The following ABLIM2 variants were observed in gnomAD, a reference collection of about 807,000 sequenced individuals.
The protein encoded by ABLIM2 is actin binding LIM protein family member 2, also known as actin-binding LIM protein 2.
A neutral mutation model predicts 97.7 loss-of-function variants in ABLIM2; 53 were observed. That is an observed-to-expected ratio of 0.54 (90% CI 0.44 to 0.68). The LOEUF (loss-of-function observed/expected upper bound fraction) is 0.68, where lower values mean the gene tolerates loss of function less well. ABLIM2 is among the 30% of genes least tolerant of loss of function. The pLI is 0.00. For synonymous variants in ABLIM2, 361 were observed against 345.8 expected (o/e 1.04, Z -0.49); for missense variants, 835 against 867.2 (o/e 0.96, Z 0.47).
Position 8,021,030 on chromosome 4 carries a change from T to A in ABLIM2, c.1268-727A>T, listed in dbSNP as rs115629559. 0.016 allele frequency among the ~76,000 whole-genome samples: 2,415 copies of A among 151,946 alleles called. 70 individuals carry two copies. The highest frequency in any genetic ancestry group is 0.055 in the African/African-American group (2,281 of 41,416). ...CACTACCACGCCTGGCTAATTTTTT[T>A]AATTTTGTAAAGATGGGGTTTTGCC... On this transcript the variant is annotated intron_variant, in intron 12 of 20. Transcript: ENST00000447017. The surrounding 1 kb of genome is among the most constrained non-coding windows in gnomAD (Gnocchi z 5.5).
intron 8 of ABLIM2, among the ~76,000 whole-genome samples, chr4:8,049,670 CCA>C (rs1210048484): frequency 6.6e-6 from 1 of 152,238 alleles, no homozygotes; most frequent in Non-Finnish European, 1.5e-5. Flanking sequence ...ACCTTACACT[CCA>C]CAGAGACATT....
At chr4:7,995,526 G>A (rs1174571602) in intron 16 of ABLIM2, among the ~76,000 whole-genome samples, 1 of 152,178 alleles carries the variant, frequency 6.6e-6, no homozygotes, top group East Asian at 1.9e-4. Flanking sequence ...TCATTTGGGG[G>A]TTCCTCATGG....
In ABLIM2 at chr4:8,054,170, C is replaced by A. The variant is rs997022293; in HGVS notation, c.822+18G>T. On this transcript the variant is annotated intron_variant, in intron 8 of 20. Transcript: ENST00000447017. This position sits in a 1 kb window ranked among gnomAD's most constrained non-coding sequence, Gnocchi z 4.9. ...AGCAGTGAAGGGTACATCAGAGACA[C>A]CAGTGAATGCCACCAACCTTGTTTC... 2 of 1,613,810 alleles carry A rather than the reference C, an allele frequency of 1.2e-6. No homozygotes were observed. The highest frequency in any genetic ancestry group is 1.7e-6 in the Non-Finnish European group (2 of 1,179,706).
In ABLIM2 at chr4:8,054,322, G is replaced by A; in HGVS notation, c.764-76C>T. The A allele has an allele frequency of 2.0e-6, 3 of 1,500,980 alleles. No homozygotes were observed. Among genetic ancestry groups the A allele is most frequent in the South Asian group, 2.3e-5 (2 of 86,824 alleles). The allele number at this position is 1,500,980 out of a possible 1,614,324, so 93.0% of individuals were successfully genotyped here. A position where few individuals can be genotyped will look rare whatever the true frequency, so the allele number is the denominator to read the frequency against. On this transcript the variant is annotated intron_variant, in intron 7 of 20. Transcript: ENST00000447017. The surrounding 1 kb of genome is among the most constrained non-coding windows in gnomAD (Gnocchi z 4.9). ...CAGGGGCCTGTGTGGAAACGCAGAG[G>A]AGGGAGCTGGTCCATGCACAGACGT...
chr4:8,009,716 A>T (rs1257630382), intron 14 of ABLIM2, among the ~76,000 whole-genome samples: 3 of 152,172 alleles, frequency 2.0e-5, no homozygotes, highest in African/African-American at 7.2e-5. Context: ...TTTGAGAACA[A>T]GCATTTTAAA....
In ABLIM2 at chr4:8,058,512, CAG is replaced by C. The variant is rs1341271176; in HGVS notation, c.763+2453_763+2454del. Among the ~76,000 whole-genome samples, 3 of 152,210 alleles carry C rather than the reference CAG, an allele frequency of 2.0e-5. No individual in the cohort carries two copies. The highest frequency in any genetic ancestry group is 4.4e-5 in the Non-Finnish European group (3 of 68,028). ...AGCTGGCCTCTGGGAGCACTGGTGA[CAG>C]AGAATCTTCAAAAGGGAGCTGTGGC... On this transcript the variant is annotated intron_variant, in intron 7 of 20. Transcript: ENST00000447017. The surrounding 1 kb of genome is among the most constrained non-coding windows in gnomAD (Gnocchi z 4.2).
chr4:8,010,433 C>A, intron 14 of ABLIM2: 1 of 985,916 alleles, frequency 1.0e-6, no homozygotes, highest in African/African-American at 1.7e-5. Context: ...TTCTTACCTG[C>A]AGCGGGCGGC....
intron 9 of ABLIM2, among the ~76,000 whole-genome samples, chr4:8,037,775 C>T (rs535260794): frequency 7.9e-5 from 12 of 152,356 alleles, no homozygotes; most frequent in East Asian, 1.9e-4. Context: ...TCAGCAGGGT[C>T]GGGGGCCCTT....
intron 3 of ABLIM2, among the ~76,000 whole-genome samples, chr4:8,093,065 T>G (rs28420077): frequency 6.6e-6 from 1 of 151,696 alleles, no homozygotes; most frequent in Non-Finnish European, 1.5e-5. Flanking sequence ...GCCAGGCTGG[T>G]CTCAAACTCC....
At chr4:8,064,373 G>T (rs372210514) in intron 6 of ABLIM2, among the ~76,000 whole-genome samples, 1 of 152,188 alleles carries the variant, frequency 6.6e-6, no homozygotes, top group South Asian at 2.1e-4. Context: ...TACATTCATG[G>T]ATTAACAGGC....
chr4:8,072,485 T>TGCACCAGCAGCA lies in ABLIM2; in HGVS notation c.675+5131_675+5142dup, dbSNP rs1174431422. On this transcript the variant is annotated intron_variant, in intron 6 of 20. Coordinates refer to ENST00000447017, the MANE Select transcript of ABLIM2 (RefSeq NM_001130083.2). The surrounding 1 kb of genome is among the most constrained non-coding windows in gnomAD (Gnocchi z 5.8). ...AGAAACGCGGGGCAGGTGAGGCTCCTGCACCAGCAGCAGCAACAGCCGCAG... is the reference window on the plus strand; with the variant it reads ...AGAAACGCGGGGCAGGTGAGGCTCCTGCACCAGCAGCAGCACCAGCAGCAGCAACAGCCGCAG... Among the ~76,000 whole-genome samples, 1 of 152,240 alleles carries TGCACCAGCAGCA rather than the reference T, an allele frequency of 6.6e-6. No homozygotes were observed. The highest frequency in any genetic ancestry group is 1.5e-5 in the Non-Finnish European group (1 of 68,036).
Position 8,005,245 on chromosome 4 carries a change from G to C in ABLIM2, c.1618+2814C>G, listed in dbSNP as rs373104822. On this transcript the variant is annotated intron_variant, in intron 16 of 20. Coordinates refer to ENST00000447017, the MANE Select transcript of ABLIM2 (RefSeq NM_001130083.2). This position sits in a 1 kb window ranked among gnomAD's most constrained non-coding sequence, Gnocchi z 4.9. ...TCTCAGCTCCCTGCACGCTTCTCCA[G>C]GTCAGGGGCTGCTCTTGTCTTCTCT... 1 of 508,488 alleles carries C rather than the reference G, an allele frequency of 2.0e-6. No individual in the cohort carries two copies. The highest frequency in any genetic ancestry group is 1.9e-5 in the African/African-American group (1 of 51,582). 31.5% of individuals were successfully genotyped at this position (508,488 alleles called of 1,614,324 possible).
chr4:8,094,348 A>AAG (rs1194331538), intron 3 of ABLIM2, among the ~76,000 whole-genome samples: 2 of 152,230 alleles, frequency 1.3e-5, no homozygotes, highest in Non-Finnish European at 2.9e-5. Context: ...CACCGAGTTA[A>AAG]AGAAGGAAGG....
intron 17 of ABLIM2, among the ~76,000 whole-genome samples, chr4:7,988,795 T>C (rs1167038494): frequency 6.6e-6 from 1 of 152,182 alleles, no homozygotes; most frequent in Non-Finnish European, 1.5e-5. Flanking sequence ...AAAATTTAAG[T>C]AACTTGCCCA....
intron 3 of ABLIM2, among the ~76,000 whole-genome samples, chr4:8,093,373 T>C (rs1829884302): frequency 6.6e-6 from 1 of 152,214 alleles, no homozygotes; most frequent in Admixed American, 6.5e-5. Context: ...TTCCTGTAAG[T>C]TTATTTTGGT....
chr4:8,011,361 G>A (rs1312527228), intron 14 of ABLIM2, among the ~76,000 whole-genome samples: 1 of 152,226 alleles, frequency 6.6e-6, no homozygotes, highest in Non-Finnish European at 1.5e-5. Context: ...TTAAAAACCA[G>A]TTTGCTAGCC....
chr4:7,971,668 G>T (rs1050598435), intron 20 of ABLIM2, among the ~76,000 whole-genome samples: 1 of 152,020 alleles, frequency 6.6e-6, no homozygotes, highest in African/African-American at 2.4e-5. Context: ...GAAGCCTCAG[G>T]GACCTATGCC....
chr4:8,035,847 T>G (rs938369103), intron 10 of ABLIM2, among the ~76,000 whole-genome samples: 1 of 152,244 alleles, frequency 6.6e-6, no homozygotes, highest in East Asian at 1.9e-4. Context: ...TAGGAGATTT[T>G]CACTGAGTCA....
chr4:8,071,600 G>A lies in ABLIM2; in HGVS notation c.675+6028C>T, dbSNP rs1812128479. ...CTGTGCTTGGGTCCTGCAGAGGGAA[G>A]CCAGGGGCACTGCCAAGCGCCTTAG... On this transcript the variant is annotated intron_variant, in intron 6 of 20. Coordinates refer to ENST00000447017, the MANE Select transcript of ABLIM2 (RefSeq NM_001130083.2). The surrounding 1 kb of genome is among the most constrained non-coding windows in gnomAD (Gnocchi z 6.2). 6.6e-6 allele frequency among the ~76,000 whole-genome samples: 1 copy of A among 152,110 alleles called. No homozygotes were observed. Among genetic ancestry groups the A allele is most frequent in the Non-Finnish European group, 1.5e-5 (1 of 67,990 alleles).
Sources: gnomAD v4.1 joint callset for allele counts (sites outside exome capture counted in the v4.1 genomes callset) on GRCh38, gnomAD v4.1.1 for gene constraint, Gnocchi (gnomAD v3.1) non-coding constraint, MANE v1.5 for transcripts, NCBI Gene and HGNC (gene_info 2026-07-23, HGNC 2026-07-21) for gene names.